STX2: variants seen among roughly 807,000 people sequenced by gnomAD.
STX2 encodes syntaxin-2.
STX2 carries 27 observed loss-of-function variants against 40.6 expected under a neutral mutation model. That is an observed-to-expected ratio of 0.66 (90% CI 0.49 to 0.92). The LOEUF (loss-of-function observed/expected upper bound fraction) is 0.92, where lower values mean the gene tolerates loss of function less well. Among genes scored for constraint, STX2 ranks in the 40% least tolerant of loss-of-function variants. STX2 has a pLI of 0.00. For synonymous variants in STX2, 123 were observed against 119.1 expected (o/e 1.03, Z -0.22); for missense variants, 328 against 366.1 (o/e 0.90, Z 0.85).
In STX2 at chr12:130,791,945, A is replaced by G; in HGVS notation, c.*78T>C. The G allele has an allele frequency of 6.2e-7, 1 of 1,610,812 alleles. No individual in the cohort carries two copies. Among genetic ancestry groups the G allele is most frequent in the Non-Finnish European group, 8.5e-7 (1 of 1,177,982 alleles). On this transcript the variant is annotated 3_prime_UTR_variant, in exon 11 of 11. Transcript: ENST00000392373. ...GGATAATTCCAAGGATCACAAGCAA[A>G]ACAATTACACAAATAATAATGAACA...
chr12:130,812,346 T>C (rs1951691116), intron 4 of STX2: 2 of 450,736 alleles, frequency 4.4e-6, no homozygotes, highest in Admixed American at 4.9e-5. Flanking sequence ...GGCTTCAGAA[T>C]AGTCTGGGAG....
chr12:130,818,020 T>TGGGAGG (rs1951926053), intron 3 of STX2, among the ~76,000 whole-genome samples: 3 of 150,234 alleles, frequency 2.0e-5, no homozygotes, highest in Admixed American at 2.0e-4. Flanking sequence ...GGCCCTGCAG[T>TGGGAGG]GGGAGGGGAT....
At chr12:130,819,640 A>G (rs79916531) in intron 3 of STX2, among the ~76,000 whole-genome samples, 1 of 152,194 alleles carries the variant, frequency 6.6e-6, no homozygotes, top group Non-Finnish European at 1.5e-5. Flanking sequence ...TCAAAAAAAA[A>G]TGCGGATACT....
chr12:130,812,360 GT>G (rs1288538083), intron 4 of STX2: 4 of 454,142 alleles, frequency 8.8e-6, no homozygotes, highest in African/African-American at 8.0e-5. Context: ...CTGGGAGCGG[GT>G]GCGGGTGGGA....
intron 9 of STX2, among the ~76,000 whole-genome samples, chr12:130,796,555 T>C (rs1951034621): frequency 6.6e-6 from 1 of 152,194 alleles, no homozygotes; most frequent in South Asian, 2.1e-4. Context: ...TACAGGACAC[T>C]GCTTAATACT....
chr12:130,817,757 G>A (rs1031127862), intron 3 of STX2, among the ~76,000 whole-genome samples: 7 of 152,028 alleles, frequency 4.6e-5, no homozygotes, highest in African/African-American at 1.7e-4. Flanking sequence ...GGAAAAATAT[G>A]TTTTAAATCT....
At chr12:130,812,041 G>A (rs1951679257) in intron 4 of STX2, 1 of 214,606 alleles carries the variant, frequency 4.7e-6, no homozygotes, top group Non-Finnish European at 9.4e-6. Flanking sequence ...CAGCATGGCA[G>A]ATTCTGTAGG....
intron 4 of STX2, among the ~76,000 whole-genome samples, chr12:130,811,332 T>C (rs1951642289): frequency 7.9e-6 from 1 of 126,416 alleles, no homozygotes; most frequent in Admixed American, 9.8e-5. Flanking sequence ...CACTTCAACC[T>C]GGGTGACAGA....
intron 3 of STX2, among the ~76,000 whole-genome samples, chr12:130,814,739 C>G (rs1951796534): frequency 6.7e-6 from 1 of 148,554 alleles, no homozygotes. Context: ...TGGGTTCAAG[C>G]GATTCTCCTG....
At chr12:130,829,591 T>A (rs1207070668) in intron 1 of STX2, among the ~76,000 whole-genome samples, 1 of 152,288 alleles carries the variant, frequency 6.6e-6, no homozygotes, top group Admixed American at 6.5e-5. Context: ...AAAGAGGATC[T>A]ACTCCCCTGT....
chr12:130,833,499 T>C lies in STX2; in HGVS notation c.30+5571A>G, dbSNP rs568276012. Among the ~76,000 whole-genome samples, 5 of 151,078 alleles carry C rather than the reference T, an allele frequency of 3.3e-5. No homozygotes were observed. In the East Asian group the frequency reaches 9.8e-4, roughly 30 times the overall value. On this transcript the variant is annotated intron_variant, in intron 1 of 10. Coordinates refer to ENST00000392373, the MANE Select transcript of STX2 (RefSeq NM_194356.4). ...GATCTTGGCTTACTGCAACCTCCAC[T>C]TCCCAGGTTCCAGCTATTCTCTCAC...
rs1315135971 is a variant in STX2, at chr12:130,839,205, C to T, written c.-106G>A. The T allele has an allele frequency of 3.0e-6, 3 of 1,010,672 alleles. No individual in the cohort carries two copies. The highest frequency in any genetic ancestry group is 1.7e-5 in the African/African-American group (1 of 58,110). 62.6% of individuals were successfully genotyped at this position (1,010,672 alleles called of 1,614,324 possible). A position where few individuals can be genotyped will look rare whatever the true frequency, so the allele number is the denominator to read the frequency against. On this transcript the variant is annotated 5_prime_UTR_variant, in exon 1 of 11. Coordinates refer to ENST00000392373, the MANE Select transcript of STX2 (RefSeq NM_194356.4). Reference sequence around the variant, plus strand: ...CGCCTCAGGCCCCGCGGTCCCGGCCCGGCGCCAGCAGCCCTCCCTGGAGCC... The same window carrying T: ...CGCCTCAGGCCCCGCGGTCCCGGCCTGGCGCCAGCAGCCCTCCCTGGAGCC...
chr12:130,821,549 G>T, intron 3 of STX2, 140 bp downstream of exon 3: 2 of 656,568 alleles, frequency 3.0e-6, no homozygotes, highest in Non-Finnish European at 2.6e-6. Context: ...CAGGCCAAAC[G>T]CCTCAGACTC....
intron 3 of STX2, among the ~76,000 whole-genome samples, chr12:130,814,627 C>CTTTT (rs5801936): frequency 2.0e-5 from 1 of 49,220 alleles, no homozygotes; most frequent in Non-Finnish European, 3.5e-5. Flanking sequence ...ATTAGAAAGA[C>CTTTT]TTTTTTTTTT....
intron 3 of STX2, among the ~76,000 whole-genome samples, chr12:130,819,307 C>G (rs1200642755): frequency 1.3e-5 from 2 of 152,176 alleles, no homozygotes; most frequent in Non-Finnish European, 2.9e-5. Context: ...CAGTAGTCCC[C>G]CTTCCTCCCT....
Position 130,839,109 on chromosome 12 carries a change from C to T in STX2, c.-10G>A. The stretch of plus-strand genomic sequence containing the variant: ...GCAGCCGGTCCCGCATCCCCGCCGG[C>T]CGGGCAGCGCGCCCCGCCGCTCAAG... On this transcript the variant is annotated 5_prime_UTR_variant, in exon 1 of 11. Coordinates refer to ENST00000392373, the MANE Select transcript of STX2 (RefSeq NM_194356.4). The T allele has an allele frequency of 1.6e-6, 2 of 1,270,258 alleles. No individual in the cohort carries two copies. The highest frequency in any genetic ancestry group is 2.0e-6 in the Non-Finnish European group (2 of 1,007,610). 78.7% of individuals were successfully genotyped at this position (1,270,258 alleles called of 1,614,324 possible).
chr12:130,827,744 T>C (rs1041813297), intron 1 of STX2, among the ~76,000 whole-genome samples: 9 of 152,254 alleles, frequency 5.9e-5, no homozygotes, highest in African/African-American at 2.2e-4. Context: ...TGAAAACCTG[T>C]CTCTACAAAA....
intron 1 of STX2, among the ~76,000 whole-genome samples, chr12:130,838,021 C>T (rs575531287): frequency 6.6e-6 from 1 of 152,154 alleles, no homozygotes; most frequent in Non-Finnish European, 1.5e-5. Context: ...TTCTCCCACT[C>T]GGGGGTACAT....
chr12:130,804,607 G>T (rs951626122), intron 6 of STX2, among the ~76,000 whole-genome samples: 9 of 152,100 alleles, frequency 5.9e-5, no homozygotes, highest in African/African-American at 2.2e-4. Context: ...TCTCTCGGGG[G>T]CTTCTGTTCG....
Sources: allele counts gnomAD v4.1 joint callset (sites outside exome capture counted in the v4.1 genomes callset), GRCh38; gene constraint gnomAD v4.1.1; transcripts MANE v1.5; gene names NCBI Gene and HGNC (gene_info 2026-07-23, HGNC 2026-07-21).